SCN1A: variants seen among roughly 807,000 people sequenced by gnomAD.
SCN1A encodes sodium channel protein type 1 subunit alpha.
Under a neutral mutation model 193.7 loss-of-function variants are expected in SCN1A, and 13 were observed. The ratio of observed to expected loss-of-function variants is 0.07; its 90% CI spans 0.04 to 0.11. The LOEUF (loss-of-function observed/expected upper bound fraction) is 0.11, where lower values mean the gene tolerates loss of function less well. Among genes scored for constraint, SCN1A ranks in the 10% least tolerant of loss-of-function variants. The pLI is 1.00. For synonymous variants in SCN1A, 781 were observed against 843.6 expected (o/e 0.93, Z 1.29); for missense variants, 1,432 against 2,451.1 (o/e 0.58, Z 8.78).
intron 1 of SCN1A, among the ~76,000 whole-genome samples, chr2:166,138,140 A>AT (rs1434598461): frequency 6.6e-6 from 1 of 152,162 alleles, no homozygotes; most frequent in Admixed American, 6.5e-5. Context: ...AAGGCATTCA[A>AT]TTTTAAAAGG....
At chr2:166,144,988 C>T (rs1215131812) in intron 1 of SCN1A, among the ~76,000 whole-genome samples, 2 of 151,768 alleles carry the variant, frequency 1.3e-5, no homozygotes, top group East Asian at 1.9e-4. Flanking sequence ...AGTAGCGCAC[C>T]ACCATGCCTA....
chr2:166,076,677 A>G (rs1371391718), intron 3 of SCN1A, among the ~76,000 whole-genome samples: 1 of 151,944 alleles, frequency 6.6e-6, no homozygotes, highest in Non-Finnish European at 1.5e-5. Context: ...TGTGGTACTG[A>G]CAAAAGAATA....
intron 1 of SCN1A, among the ~76,000 whole-genome samples, chr2:166,145,196 G>A: frequency 7.6e-6 from 1 of 131,942 alleles, no homozygotes; most frequent in Non-Finnish European, 1.6e-5. Context: ...GTCTCGCTCT[G>A]TCGTCCAGGC....
intron 4 of SCN1A, among the ~76,000 whole-genome samples, chr2:166,061,539 T>C (rs1683306296): frequency 6.6e-6 from 1 of 152,188 alleles, no homozygotes. Flanking sequence ...ATTTATTATA[T>C]AGTTTCAAAT....
At chr2:166,025,434 C>T (rs1694631551) in intron 19 of SCN1A, among the ~76,000 whole-genome samples, 1 of 152,132 alleles carries the variant, frequency 6.6e-6, no homozygotes, top group Middle Eastern at 3.2e-3. Context: ...CCAGGCAGAG[C>T]ATATCTTTTC....
At chr2:166,074,150 T>G (rs2105986818) in intron 3 of SCN1A, among the ~76,000 whole-genome samples, 1 of 152,332 alleles carries the variant, frequency 6.6e-6, no homozygotes, top group Admixed American at 6.5e-5. Flanking sequence ...GTGACCAACC[T>G]TAATGACCAA....
chr2:166,089,087 T>G (rs1686473804), intron 2 of SCN1A, among the ~76,000 whole-genome samples: 1 of 152,182 alleles, frequency 6.6e-6, no homozygotes, highest in Non-Finnish European at 1.5e-5. Context: ...GTTACATAGG[T>G]ATACACGTGC....
rs1392428901 is a variant in SCN1A at position 166,036,258 on chromosome 2, A to G, written c.3219T>C (p.Leu1073=). 6.2e-7 allele frequency: 1 copy of G among 1,613,934 alleles called. No individual in the cohort carries two copies. The highest frequency in any genetic ancestry group is 2.2e-5 in the East Asian group (1 of 44,838). Residue 1073 remains leucine (L), a synonymous_variant, in exon 19 of 29, where the codon CTT becomes CTC. Coordinates refer to ENST00000674923, the MANE Select transcript of SCN1A (RefSeq NM_001165963.4). ...SNHTAEIGKD[L]DYLKDVNGTT... is the part of the protein sequence containing the mutation. ...TTCCATTTACATCTTTAAGATAGTC[A>G]AGATCTTTCCCAATTTCTGCTGTAT...
rs1427784604 is a variant in SCN1A at position 166,123,137 on chromosome 2, A to G, written c.-142+3787T>C. 2.0e-5 allele frequency among the ~76,000 whole-genome samples: 3 copies of G among 148,240 alleles called. No homozygotes were observed. The Admixed American group carries it at 2.0e-4, about 10-fold the overall frequency. On this transcript the variant is annotated intron_variant, in intron 2 of 28. Coordinates refer to ENST00000674923, the MANE Select transcript of SCN1A (RefSeq NM_001165963.4). ...ATATGAGTCTTGAAGGAATAAAAAT[A>G]TGGTAACAAAAGTTTTAACATAGAT...
chr2:165,995,958 A>T, intron 27 of SCN1A, 55 bp downstream of exon 27: 1 of 1,098,698 alleles, frequency 9.1e-7, no homozygotes, highest in Non-Finnish European at 1.4e-6. Flanking sequence ...TTGTGAGACA[A>T]GCATGCAAGT....
chr2:166,066,296 T>C (rs1232001754), intron 4 of SCN1A, among the ~76,000 whole-genome samples: 1 of 152,164 alleles, frequency 6.6e-6, no homozygotes, highest in Non-Finnish European at 1.5e-5. Flanking sequence ...TACACTATTA[T>C]ATGGTCAGTT....
chr2:166,049,282 A>G (rs536290477), intron 9 of SCN1A, among the ~76,000 whole-genome samples: 1 of 152,140 alleles, frequency 6.6e-6, no homozygotes, highest in South Asian at 2.1e-4. Flanking sequence ...TCAAAAAGGT[A>G]TTAGCATTTG....
intron 2 of SCN1A, among the ~76,000 whole-genome samples, chr2:166,111,727 A>C (rs1334409822): frequency 6.6e-6 from 1 of 152,152 alleles, no homozygotes; most frequent in Admixed American, 6.6e-5. Context: ...CATTAAGAAC[A>C]TTTGTAATTC....
chr2:166,111,045 G>A (rs1689239754), intron 2 of SCN1A, among the ~76,000 whole-genome samples: 1 of 151,954 alleles, frequency 6.6e-6, no homozygotes. Context: ...GCCAGTCTCG[G>A]GTATGTCTTT....
intron 4 of SCN1A, 191 bp downstream of exon 4, chr2:166,073,167 C>T (rs930348898): frequency 1.4e-5 from 9 of 661,446 alleles, no homozygotes; most frequent in Non-Finnish European, 1.2e-5. Flanking sequence ...GCATTTGGGA[C>T]AGTTGCATAT....
intron 24 of SCN1A, chr2:166,000,049 T>C (rs1299221251): frequency 4.5e-6 from 2 of 449,208 alleles, no homozygotes; most frequent in Non-Finnish European, 8.1e-6. Flanking sequence ...GGTGTCATGA[T>C]ATTTAAAGCA....
At chr2:166,005,279 A>C (rs765192235) in intron 23 of SCN1A, among the ~76,000 whole-genome samples, 2 of 151,414 alleles carry the variant, frequency 1.3e-5, no homozygotes, top group Non-Finnish European at 3.0e-5. Flanking sequence ...AATGAAGCAA[A>C]GTTTAGATTA....
At chr2:166,065,776 G>A (rs2105947012) in intron 4 of SCN1A, among the ~76,000 whole-genome samples, 1 of 152,180 alleles carries the variant, frequency 6.6e-6, no homozygotes, top group Admixed American at 6.5e-5. Context: ...GCCCACAGAG[G>A]CTAAGTGACA....
intron 19 of SCN1A, among the ~76,000 whole-genome samples, chr2:166,032,234 C>CACACACACACACACAG (rs1695722740): frequency 6.6e-6 from 1 of 151,624 alleles, no homozygotes; most frequent in Non-Finnish European, 1.5e-5. Flanking sequence ...CACACACACA[C>CACACACACACACACAG]AGAGACAGAG....
Sources: gnomAD v4.1 joint callset for allele counts (sites outside exome capture counted in the v4.1 genomes callset) on GRCh38, gnomAD v4.1.1 for gene constraint, MANE v1.5 for transcripts, NCBI Gene and HGNC (gene_info 2026-07-23, HGNC 2026-07-21) for gene names.